CCDC124: variants seen among roughly 807,000 people sequenced by gnomAD.
CCDC124 encodes coiled-coil domain-containing protein 124.
Under a neutral mutation model 19.8 loss-of-function variants are expected in CCDC124, and 9 were observed. That is an observed-to-expected ratio of 0.45 (90% CI 0.27 to 0.79). CCDC124 has a LOEUF of 0.79. Ranked by LOEUF, CCDC124 falls within the 30% of genes least tolerant of loss-of-function variation. CCDC124 has a pLI of 0.14. For synonymous variants in CCDC124, 126 were observed against 131.3 expected (o/e 0.96, Z 0.27); for missense variants, 285 against 319.0 (o/e 0.89, Z 0.81).
Position 17,933,038 on chromosome 19 carries a change from G to T in CCDC124, c.-22G>T, listed in dbSNP as rs978464836. The T allele has an allele frequency of 6.6e-6, 1 of 152,418 alleles. No homozygotes were observed. The highest frequency in any genetic ancestry group is 2.1e-4 in the South Asian group (1 of 4,844). 9.4% of individuals were successfully genotyped at this position (152,418 alleles called of 1,614,324 possible). On this transcript the variant is annotated 5_prime_UTR_variant, in exon 1 of 5. Coordinates refer to ENST00000445755, the MANE Select transcript of CCDC124 (RefSeq NM_001136203.2). ...ACGGAGGCGCGACCGGGCCGGCGCTGGGGTAAGAAGGTAGGAGCGTCTGCG... is the reference window on the plus strand; with the variant it reads ...ACGGAGGCGCGACCGGGCCGGCGCTTGGGTAAGAAGGTAGGAGCGTCTGCG...
At position 17,943,241 on chromosome 19, in the gene CCDC124, T is replaced by TCTGGGGCCC; in HGVS notation, c.350-19_350-18insTGGGGCCCC. 36 of 736,588 alleles carry TCTGGGGCCC rather than the reference T, an allele frequency of 4.9e-5. No individual in the cohort carries two copies. The highest frequency in any genetic ancestry group is 5.4e-5 in the East Asian group (2 of 37,066). The allele number at this position is 736,588 out of a possible 1,614,324, so 45.6% of individuals were successfully genotyped here. On this transcript the variant is annotated intron_variant, in intron 3 of 4. Transcript: ENST00000445755. Reference sequence around the variant, plus strand: ...CTTTGCTTATCTCTCTCTGTCTCTGTCACCCACCCACCCGCCCAGCCGAGA... The same window carrying TCTGGGGCCC: ...CTTTGCTTATCTCTCTCTGTCTCTGTCTGGGGCCCCACCCACCCACCCGCCCAGCCGAGA...
At chr19:17,936,616 T>C (rs2031071995) in intron 2 of CCDC124, 37 bp downstream of exon 2, 1 of 1,589,662 alleles carries the variant, frequency 6.3e-7, no homozygotes, top group Non-Finnish European at 8.6e-7. Context: ...CCGCATGCCT[T>C]GTGGCCAAGG....
chr19:17,937,579 G>A (rs2031092566), intron 2 of CCDC124, among the ~76,000 whole-genome samples: 1 of 152,110 alleles, frequency 6.6e-6, no homozygotes, highest in Admixed American at 6.6e-5. Flanking sequence ...GTGGAGACCA[G>A]AGATGCTGAC....
chr19:17,939,351 C>T (rs1452406183), intron 2 of CCDC124, among the ~76,000 whole-genome samples: 3 of 151,808 alleles, frequency 2.0e-5, no homozygotes, highest in South Asian at 2.1e-4. Flanking sequence ...GCCGGGATCG[C>T]GCCACTGCAC....
Position 17,942,908 on chromosome 19 carries a change from T to A in CCDC124, c.349+63T>A, listed in dbSNP as rs1366112877. 2.1e-6 allele frequency: 3 copies of A among 1,448,624 alleles called. No individual in the cohort carries two copies. In the African/African-American group the frequency reaches 4.3e-5, roughly 21 times the overall value. 89.7% of individuals were successfully genotyped at this position (1,448,624 alleles called of 1,614,324 possible). A position where few individuals can be genotyped will look rare whatever the true frequency, so the allele number is the denominator to read the frequency against. On this transcript the variant is annotated intron_variant, in intron 3 of 4. Coordinates refer to ENST00000445755, the MANE Select transcript of CCDC124 (RefSeq NM_001136203.2). The surrounding 1 kb of genome is among the most constrained non-coding windows in gnomAD (Gnocchi z 4.2). ...CACTGCAGAGGCAGTGGACCTTGAG[T>A]CCATTAGCCCCCTCCTGGCCCCCAG...
Position 17,934,619 on chromosome 19 carries a change from TA to T in CCDC124, c.-12+1588del, listed in dbSNP as rs56743845. Among the ~76,000 whole-genome samples the T allele has an allele frequency of 8.0e-3, 985 of 123,818 alleles. 3 individuals are homozygous for T. The highest frequency in any genetic ancestry group is 0.013 in the Middle Eastern group (3 of 236). 81.2% of individuals were successfully genotyped at this position (123,818 alleles called of 152,430 possible). The stretch of plus-strand genomic sequence containing the variant: ...TGGGCAACATAGTCAGACCCTGCCT[TA>T]AAAAAAAAAAAAAAAAGCTAGGCAT... On this transcript the variant is annotated intron_variant, in intron 1 of 4. Transcript: ENST00000445755.
chr19:17,941,607 A>G (rs947837380), intron 2 of CCDC124, among the ~76,000 whole-genome samples: 1 of 151,994 alleles, frequency 6.6e-6, no homozygotes, highest in East Asian at 1.9e-4. Flanking sequence ...CGAGGGGGAA[A>G]CTAAGGCTCC....
Position 17,943,248 on chromosome 19 carries a change from C to A in CCDC124, c.350-13C>A. ...TATCTCTCTCTGTCTCTGTCACCCA[C>A]CCACCCGCCCAGCCGAGAAAGCCAA... is the stretch of plus-strand genomic sequence containing the variant. On this transcript the variant is annotated splice_polypyrimidine_tract_variant and intron_variant, in intron 3 of 4. Transcript: ENST00000445755. 23 of 497,986 alleles carry A rather than the reference C, an allele frequency of 4.6e-5. No homozygotes were observed. Among genetic ancestry groups the A allele is most frequent in the Non-Finnish European group, 7.2e-5 (19 of 262,342 alleles). 30.8% of individuals were successfully genotyped at this position (497,986 alleles called of 1,614,324 possible). A position where few individuals can be genotyped will look rare whatever the true frequency, so the allele number is the denominator to read the frequency against.
intron 2 of CCDC124, among the ~76,000 whole-genome samples, chr19:17,938,850 G>A (rs1185742189): frequency 6.6e-6 from 1 of 152,046 alleles, no homozygotes; most frequent in Non-Finnish European, 1.5e-5. Context: ...TCCCACCTCA[G>A]CCTCCCAAAG....
chr19:17,943,241 T>TCACC lies in CCDC124; in HGVS notation c.350-10_350-7dup, dbSNP rs2031228604. 2 of 736,912 alleles carry TCACC rather than the reference T, an allele frequency of 2.7e-6. No individual in the cohort carries two copies. The highest frequency in any genetic ancestry group is 4.8e-6 in the Non-Finnish European group (2 of 415,138). The allele number at this position is 736,912 out of a possible 1,614,324, so 45.6% of individuals were successfully genotyped here. A position where few individuals can be genotyped will look rare whatever the true frequency, so the allele number is the denominator to read the frequency against. The stretch of plus-strand genomic sequence containing the variant: ...CTTTGCTTATCTCTCTCTGTCTCTG[T>TCACC]CACCCACCCACCCGCCCAGCCGAGA... On this transcript the variant is annotated intron_variant, in intron 3 of 4. Transcript: ENST00000445755.
chr19:17,942,799 G>T lies in CCDC124; in HGVS notation c.303G>T (p.Glu101Asp). 6.5e-7 allele frequency: 1 copy of T among 1,542,786 alleles called. No individual in the cohort carries two copies. The highest frequency in any genetic ancestry group is 2.4e-5 in the East Asian group (1 of 40,908). Residue 101 changes from glutamate to aspartate, a missense_variant, in exon 3 of 5, where the codon GAG becomes GAT. Glu to Asp is a conservative substitution (Grantham distance 45). Transcript: ENST00000445755. This position sits in a 1 kb window ranked among gnomAD's most constrained non-coding sequence, Gnocchi z 4.2. The stretch of plus-strand genomic sequence containing the variant: ...GCAAGGTCACCCGGGCCCAGATCGA[G>T]GACACGCTGCGCCGAGACCATCAGC... ...TSSKVTRAQI[E>D]DTLRRDHQLR...
intron 1 of CCDC124, among the ~76,000 whole-genome samples, chr19:17,933,488 C>T (rs1310739602): frequency 1.3e-5 from 2 of 152,268 alleles, no homozygotes; most frequent in East Asian, 3.9e-4. Context: ...TCTAAGTGTG[C>T]CCCTCGCCCA....
chr19:17,938,795 C>T (rs190745906), intron 2 of CCDC124, among the ~76,000 whole-genome samples: 90 of 152,066 alleles, frequency 5.9e-4, no homozygotes, highest in Admixed American at 3.1e-3. Flanking sequence ...GGTCATCTCA[C>T]TGTGTTGCCC....
At position 17,943,886 on chromosome 19, in the gene CCDC124, C is replaced by T. The variant is rs2031250844; in HGVS notation, c.*171C>T. 1 of 639,826 alleles carries T rather than the reference C, an allele frequency of 1.6e-6. No homozygotes were observed. The highest frequency in any genetic ancestry group is 1.8e-5 in the African/African-American group (1 of 54,704). 39.6% of individuals were successfully genotyped at this position (639,826 alleles called of 1,614,324 possible). A position where few individuals can be genotyped will look rare whatever the true frequency, so the allele number is the denominator to read the frequency against. ...CCGTCCTCCCGCCAGAGGGTCCCTG[C>T]CCCGAGTGACACCCCATCCCCTCCC... On this transcript the variant is annotated 3_prime_UTR_variant, in exon 5 of 5. Transcript: ENST00000445755.
In CCDC124 at chr19:17,943,574, G is replaced by T. The variant is rs986074982; in HGVS notation, c.531G>T (p.Glu177Asp). The change falls in exon 5 of 5, where the codon GAG (glutamate) becomes GAT (aspartate). Residue 177 changes from glutamate (E) to aspartate (D), a missense_variant. Physicochemically the swap from Glu to Asp is conservative, Grantham distance 45 (BLOSUM62 2). Transcript: ENST00000445755. The part of the protein sequence containing the change: ...RRMRAAFTAF[E>D]EAQLPRLKQE... ...TGCGGGCAGCCTTCACAGCCTTTGA[G>T]GAAGCCCAGCTGCCGCGGCTCAAAC... The T allele has an allele frequency of 1.9e-6, 3 of 1,612,810 alleles. No homozygotes were observed. The highest frequency in any genetic ancestry group is 2.5e-6 in the Non-Finnish European group (3 of 1,179,952).
In CCDC124 at chr19:17,942,762, T is replaced by G. The variant is rs376271505; in HGVS notation, c.266T>G (p.Val89Gly). The change falls in exon 3 of 5, where the codon GTG (valine) becomes GGG (glycine). Residue 89 changes from valine (V) to glycine (G), a missense_variant. Val to Gly is a moderately radical substitution (Grantham distance 109). Transcript: ENST00000445755. The surrounding 1 kb of genome is among the most constrained non-coding windows in gnomAD (Gnocchi z 4.2). ...SKLKGGKAPRVATSSKVTRAQ... is the reference protein window; with the variant it reads ...SKLKGGKAPRGATSSKVTRAQ... ...CTCAAGGGCGGCAAGGCGCCGCGGG[T>G]GGCCACGTCCAGCAAGGTCACCCGG... The G allele has an allele frequency of 3.5e-4, 543 of 1,548,362 alleles. No individual in the cohort carries two copies. The highest frequency in any genetic ancestry group is 4.4e-4 in the Non-Finnish European group (510 of 1,146,586).
intron 2 of CCDC124, among the ~76,000 whole-genome samples, chr19:17,938,786 G>T (rs2031115172): frequency 6.6e-6 from 1 of 151,798 alleles, no homozygotes; most frequent in African/African-American, 2.4e-5. Context: ...GGGGGTGGGG[G>T]TCATCTCACT....
In CCDC124 at chr19:17,942,497, C is replaced by G. The variant is rs748788082; in HGVS notation, c.160-159C>G. Among the ~76,000 whole-genome samples the G allele has an allele frequency of 6.6e-6, 1 of 152,152 alleles. No homozygotes were observed. The highest frequency in any genetic ancestry group is 2.4e-5 in the African/African-American group (1 of 41,430). On this transcript the variant is annotated intron_variant, in intron 2 of 4. Coordinates refer to ENST00000445755, the MANE Select transcript of CCDC124 (RefSeq NM_001136203.2). This position sits in a 1 kb window ranked among gnomAD's most constrained non-coding sequence, Gnocchi z 4.2. ...TCCCCTGTTGGCCTCACATCCCCCG[C>G]CCAGGGCAGCACCGGGACCTATCTT...
rs750454856 is a variant in CCDC124 at position 17,936,492 on chromosome 19, G to T, written c.72G>T (p.Ala24=). 6.2e-7 allele frequency: 1 copy of T among 1,613,182 alleles called. No homozygotes were observed. The highest frequency in any genetic ancestry group is 8.5e-7 in the Non-Finnish European group (1 of 1,179,746). ...GGGCACGTAGGGCAGAGGCCAAGGC[G>T]GCCGCTGATGCCAAGAAGCAGAAGG... ...AARARRAEAK[A]AADAKKQKEL... The change falls in exon 2 of 5, where the codon GCG becomes GCT. Residue 24 remains alanine (A), a synonymous_variant. Coordinates refer to ENST00000445755, the MANE Select transcript of CCDC124 (RefSeq NM_001136203.2).
Sources: gnomAD v4.1 joint callset for allele counts (sites outside exome capture counted in the v4.1 genomes callset) on GRCh38, gnomAD v4.1.1 for gene constraint, Gnocchi (gnomAD v3.1) non-coding constraint, MANE v1.5 for transcripts, NCBI Gene and HGNC (gene_info 2026-07-23, HGNC 2026-07-21) for gene names.